The following NEDD4L variants were observed in gnomAD, a reference collection of about 807,000 sequenced individuals.
The protein encoded by NEDD4L is NEDD4 like E3 ubiquitin protein ligase.
Under a neutral mutation model 148.9 loss-of-function variants are expected in NEDD4L, and 54 were observed. The ratio of observed to expected loss-of-function variants is 0.36; its 90% CI spans 0.29 to 0.45. The LOEUF is 0.45. NEDD4L is among the 20% of genes least tolerant of loss of function. The pLI is 1.00. For missense variants in NEDD4L, 856 were observed against 1,233.8 expected (o/e 0.69, Z 4.59); for synonymous variants, 433 against 440.7 (o/e 0.98, Z 0.22).
At chr18:58,177,134 T>G (rs1396411045) in intron 2 of NEDD4L, among the ~76,000 whole-genome samples, 1 of 152,102 alleles carries the variant, frequency 6.6e-6, no homozygotes, top group East Asian at 1.9e-4. Flanking sequence ...CGCCGGCCCC[T>G]CCTCATTCCT....
In NEDD4L at chr18:58,167,921, TAA is replaced by T. The variant is rs112715260; in HGVS notation, c.122+2070_122+2071del. Among the ~76,000 whole-genome samples the T allele has an allele frequency of 2.0e-5, 3 of 147,546 alleles. No individual in the cohort carries two copies. The South Asian group carries it at 6.5e-4, about 32-fold the overall frequency. ...TTTTGTTTTATCCAAACCCTCCCAT[TAA>T]AAAAAAAAATTGATTCACATTGTAT... is the stretch of plus-strand genomic sequence containing the variant. On this transcript the variant is annotated intron_variant, in intron 2 of 30. Coordinates refer to ENST00000400345, the MANE Select transcript of NEDD4L (RefSeq NM_001144967.3).
intron 5 of NEDD4L, among the ~76,000 whole-genome samples, chr18:58,273,903 G>A (rs1019750553): frequency 6.6e-6 from 1 of 152,178 alleles, no homozygotes; most frequent in Non-Finnish European, 1.5e-5. Context: ...AGCAAAGACG[G>A]CCATGGATCC....
At chr18:58,364,482 C>A in intron 20 of NEDD4L, 149 bp downstream of exon 20, 1 of 582,506 alleles carries the variant, frequency 1.7e-6, no homozygotes, top group Non-Finnish European at 3.0e-6. Flanking sequence ...CCTCCTGGTT[C>A]TAAAATCTGA....
intron 1 of NEDD4L, among the ~76,000 whole-genome samples, chr18:58,048,168 A>G (rs114947341): frequency 0.012 from 1,757 of 152,310 alleles, 29 homozygotes; most frequent in African/African-American, 0.039. Flanking sequence ...TAGCCTAGTC[A>G]CAATCAGTGG....
At chr18:58,285,310 AGAT>A (rs1471761515) in intron 5 of NEDD4L, among the ~76,000 whole-genome samples, 2 of 151,918 alleles carry the variant, frequency 1.3e-5, no homozygotes, top group Non-Finnish European at 2.9e-5. Context: ...CTCCACAATG[AGAT>A]GATGTGTGTG....
At chr18:58,177,163 G>T (rs112852208) in intron 2 of NEDD4L, among the ~76,000 whole-genome samples, 9 of 151,850 alleles carry the variant, frequency 5.9e-5, no homozygotes, top group African/African-American at 1.2e-4. Flanking sequence ...TTTATCTTCC[G>T]CTGTCTTTGC....
At chr18:58,333,775 G>A in intron 11 of NEDD4L, 43 bp from the exon 12 acceptor site, 1 of 1,461,312 alleles carries the variant, frequency 6.8e-7, no homozygotes. Context: ...TTGCTTTTAA[G>A]AATATATTTC....
chr18:58,369,512 C>G (rs1295086489), intron 22 of NEDD4L, among the ~76,000 whole-genome samples: 1 of 127,382 alleles, frequency 7.9e-6, no homozygotes, highest in Non-Finnish European at 1.7e-5. Context: ...TTCTGCACAT[C>G]TGTCCGCTGC....
intron 5 of NEDD4L, among the ~76,000 whole-genome samples, chr18:58,313,487 A>G (rs1388643562): frequency 6.6e-6 from 1 of 152,188 alleles, no homozygotes; most frequent in Non-Finnish European, 1.5e-5. Flanking sequence ...CTTCTCATCT[A>G]CACCGTTTAA....
At chr18:58,140,430 C>T (rs1490401717) in intron 1 of NEDD4L, among the ~76,000 whole-genome samples, 1 of 152,132 alleles carries the variant, frequency 6.6e-6, no homozygotes, top group African/African-American at 2.4e-5. Flanking sequence ...GTGAAAATGC[C>T]AGTCAGGTTG....
intron 5 of NEDD4L, among the ~76,000 whole-genome samples, chr18:58,254,897 G>A (rs551845238): frequency 2.0e-5 from 3 of 152,180 alleles, no homozygotes; most frequent in South Asian, 2.1e-4. Flanking sequence ...AGCATTAAAC[G>A]GACACTAACT....
chr18:58,250,536 A>ACACTGTT (rs1166522560), intron 4 of NEDD4L, among the ~76,000 whole-genome samples: 2 of 152,160 alleles, frequency 1.3e-5, no homozygotes, highest in Admixed American at 6.5e-5. Context: ...GTGACCCTTC[A>ACACTGTT]TAGAGCTTCT....
At chr18:58,202,055 C>G (rs983321139) in intron 2 of NEDD4L, among the ~76,000 whole-genome samples, 1 of 152,208 alleles carries the variant, frequency 6.6e-6, no homozygotes, top group African/African-American at 2.4e-5. Context: ...TAAATTCTTC[C>G]TCTCTTGCCT....
Position 58,256,213 on chromosome 18 carries a change from C to A in NEDD4L, c.297+4159C>A. ...CGGAGGAGGCTGCCCCGGGCCTGCGCATCCAGCACCGCGCCTCCAGCGCCG... is the reference window on the plus strand; with the variant it reads ...CGGAGGAGGCTGCCCCGGGCCTGCGAATCCAGCACCGCGCCTCCAGCGCCG... On this transcript the variant is annotated intron_variant, in intron 5 of 30. Transcript: ENST00000400345. The surrounding 1 kb of genome is among the most constrained non-coding windows in gnomAD (Gnocchi z 5.2). The A allele has an allele frequency of 8.2e-7, 1 of 1,222,814 alleles. No individual in the cohort carries two copies. The highest frequency in any genetic ancestry group is 3.3e-5 in the East Asian group (1 of 30,724). The allele number at this position is 1,222,814 out of a possible 1,614,324, so 75.7% of individuals were successfully genotyped here. A position where few individuals can be genotyped will look rare whatever the true frequency, so the allele number is the denominator to read the frequency against.
chr18:58,345,941 CACAG>C (rs201261437), intron 16 of NEDD4L, among the ~76,000 whole-genome samples: 2,216 of 126,896 alleles, frequency 0.017, 39 homozygotes, highest in Admixed American at 0.065. Flanking sequence ...TTTTTTTTAG[CACAG>C]ACAGGGTTTC....
intron 1 of NEDD4L, among the ~76,000 whole-genome samples, chr18:58,110,133 G>T (rs1391791060): frequency 1.3e-5 from 2 of 152,194 alleles, no homozygotes; most frequent in East Asian, 3.9e-4. Context: ...GTGTGTCTGG[G>T]GTGGGCATGA....
intron 9 of NEDD4L, among the ~76,000 whole-genome samples, chr18:58,326,875 A>T (rs1039858865): frequency 6.6e-6 from 1 of 152,240 alleles, no homozygotes; most frequent in African/African-American, 2.4e-5. Flanking sequence ...AAAACACTTC[A>T]TACATTTTAA....
chr18:58,291,078 C>T (rs1334671742), intron 5 of NEDD4L, among the ~76,000 whole-genome samples: 4 of 150,606 alleles, frequency 2.7e-5, no homozygotes, highest in South Asian at 2.1e-4. Flanking sequence ...AGAACCAGGC[C>T]GACCGGCCCA....
chr18:58,226,162 A>ATAT (rs1329763488), intron 2 of NEDD4L, among the ~76,000 whole-genome samples: 1 of 152,194 alleles, frequency 6.6e-6, no homozygotes, highest in Non-Finnish European at 1.5e-5. Context: ...CTCATCAAAG[A>ATAT]TACTCAAGTC....
Sources: gnomAD v4.1 joint callset for allele counts (sites outside exome capture counted in the v4.1 genomes callset) on GRCh38, gnomAD v4.1.1 for gene constraint, Gnocchi (gnomAD v3.1) non-coding constraint, MANE v1.5 for transcripts, NCBI Gene and HGNC (gene_info 2026-07-23, HGNC 2026-07-21) for gene names.